Variants in RBFOX2 observed in about 807,000 individuals in gnomAD.
RBFOX2 encodes the protein RNA binding protein fox-1 homolog 2.
A neutral mutation model predicts 49.1 loss-of-function variants in RBFOX2; 10 were observed. The observed-to-expected ratio is 0.20, with a 90% CI of 0.13 to 0.35. The LOEUF is 0.35. Among genes scored for constraint, RBFOX2 ranks in the 10% least tolerant of loss-of-function variants. The probability of loss-of-function intolerance (pLI) is 1.00; values close to 1 mark genes in which losing one functional copy is unlikely to be tolerated. For synonymous variants in RBFOX2, 183 were observed against 187.4 expected (o/e 0.98, Z 0.19); for missense variants, 323 against 486.9 (o/e 0.66, Z 3.17).
intron 1 of RBFOX2, among the ~76,000 whole-genome samples, chr22:36,012,814 G>C (rs995519150): frequency 5.9e-5 from 9 of 151,872 alleles, no homozygotes; most frequent in South Asian, 2.1e-4. Flanking sequence ...ACCCGGGCTG[G>C]AGTGCAGTGG....
At chr22:36,028,120 C>T (rs2059520136) in intron 1 of RBFOX2, 120 bp downstream of exon 1, 1 of 1,303,156 alleles carries the variant, frequency 7.7e-7, no homozygotes, top group Non-Finnish European at 9.8e-7. Flanking sequence ...CCGAATGGCC[C>T]CCCATCCCAC....
At chr22:35,898,343 G>A in intron 1 of RBFOX2, 2 of 638,172 alleles carry the variant, frequency 3.1e-6, no homozygotes, top group Non-Finnish European at 3.0e-6. Flanking sequence ...GGCTATTGCA[G>A]TAATGGCAGA....
chr22:35,902,094 A>C (rs1332832958), intron 1 of RBFOX2, among the ~76,000 whole-genome samples: 1 of 152,032 alleles, frequency 6.6e-6, no homozygotes, highest in African/African-American at 2.4e-5. Context: ...AAAAAAGAGA[A>C]GAAAAGCTGC....
intron 1 of RBFOX2, among the ~76,000 whole-genome samples, chr22:35,819,912 T>A (rs1344292008): frequency 6.6e-6 from 1 of 152,114 alleles, no homozygotes. Context: ...TTTTAGAAAC[T>A]AAGGCAACAA....
At chr22:35,999,012 T>A (rs1263424312) in intron 1 of RBFOX2, 1 of 152,410 alleles carries the variant, frequency 6.6e-6, no homozygotes, top group Non-Finnish European at 1.5e-5. Context: ...AGTCTAGGCG[T>A]CTGTTTTCAA....
chr22:35,805,313 A>AG (rs1328382945), intron 2 of RBFOX2, among the ~76,000 whole-genome samples: 13 of 150,114 alleles, frequency 8.7e-5, no homozygotes, highest in African/African-American at 3.2e-4. Context: ...AAAAAAAAAA[A>AG]GTAAGACAAA....
intron 1 of RBFOX2, among the ~76,000 whole-genome samples, chr22:36,022,381 A>C (rs951935996): frequency 3.3e-5 from 5 of 152,242 alleles, no homozygotes; most frequent in Non-Finnish European, 7.3e-5. Context: ...ATAGTGAAAA[A>C]AAAATGACAG....
Position 35,867,887 on chromosome 22 carries a change from T to A in RBFOX2, c.-33-57883A>T, listed in dbSNP as rs554501357. Among the ~76,000 whole-genome samples the A allele has an allele frequency of 7.9e-5, 12 of 152,262 alleles. No individual in the cohort carries two copies. The South Asian group carries it at 2.5e-3, about 32-fold the overall frequency. On this transcript the variant is annotated intron_variant, in intron 1 of 13. Coordinates refer to the RBFOX2 transcript ENST00000359369. ...TAGATATGATTAATTGCCAACGTAATATCCAACACAGCATATCACACCACT... is the reference window on the plus strand; with the variant it reads ...TAGATATGATTAATTGCCAACGTAAAATCCAACACAGCATATCACACCACT...
chr22:35,743,944 T>A (rs981517567), exon 12 of RBFOX2: 6 of 370,838 alleles, frequency 1.6e-5, no homozygotes, highest in African/African-American at 1.1e-4. Flanking sequence ...TTTTTTTTTT[T>A]ACCACAGTTT....
chr22:35,771,781 C>T (rs1942739506), intron 4 of RBFOX2, among the ~76,000 whole-genome samples: 2 of 152,106 alleles, frequency 1.3e-5, no homozygotes, highest in Non-Finnish European at 2.9e-5. Context: ...TTAGAATATA[C>T]TATTTCTTCA....
intron 1 of RBFOX2, among the ~76,000 whole-genome samples, chr22:35,948,306 C>A (rs1000389460): frequency 1.2e-4 from 18 of 152,238 alleles, no homozygotes; most frequent in Middle Eastern, 3.4e-3. Flanking sequence ...ACCCTCAGTT[C>A]TTTCAATTTT....
At chr22:35,782,000 G>A (rs558479183) in intron 2 of RBFOX2, among the ~76,000 whole-genome samples, 2 of 152,282 alleles carry the variant, frequency 1.3e-5, no homozygotes, top group South Asian at 2.1e-4. Flanking sequence ...GGGAGCTAAC[G>A]AACACGGAAG....
Position 35,820,973 on chromosome 22 carries a change from G to A in RBFOX2, c.28-10969C>T, listed in dbSNP as rs528123403. 5.7e-4 allele frequency among the ~76,000 whole-genome samples: 87 copies of A among 152,292 alleles called. No homozygotes were observed. In the South Asian group the frequency reaches 0.018, roughly 31 times the overall value. On this transcript the variant is annotated intron_variant, in intron 1 of 11. Coordinates refer to ENST00000405409, the Ensembl canonical transcript of RBFOX2. The stretch of plus-strand genomic sequence containing the variant: ...TGACAATCCAAAGGCAGACTTGGCA[G>A]AACCTGGCAACGGGTATGAAGGAGA...
At chr22:35,790,555 C>T (rs1947387646) in intron 2 of RBFOX2, among the ~76,000 whole-genome samples, 1 of 152,028 alleles carries the variant, frequency 6.6e-6, no homozygotes, top group African/African-American at 2.4e-5. Context: ...TAAAATAAGG[C>T]CTATATTTTA....
chr22:35,774,351 TATA>T (rs1943387170), intron 4 of RBFOX2, among the ~76,000 whole-genome samples: 1 of 152,128 alleles, frequency 6.6e-6, no homozygotes. Flanking sequence ...CATAAACTCA[TATA>T]ATAATTTTCT....
intron 6 of RBFOX2, among the ~76,000 whole-genome samples, chr22:35,762,109 G>GT (rs1028918938): frequency 4.6e-5 from 7 of 152,320 alleles, no homozygotes; most frequent in Non-Finnish European, 8.8e-5. Flanking sequence ...AGGCTTTAAT[G>GT]TGTAATAATC....
chr22:35,808,846 C>T (rs1264543143), intron 2 of RBFOX2, among the ~76,000 whole-genome samples: 2 of 151,980 alleles, frequency 1.3e-5, no homozygotes, highest in Admixed American at 1.3e-4. Context: ...AAGCAAGAGA[C>T]AATACAATTT....
exon 12 of RBFOX2, chr22:35,741,247 C>A (rs1929800882): frequency 6.6e-6 from 1 of 152,186 alleles, no homozygotes; most frequent in African/African-American, 2.4e-5. Flanking sequence ...TTAAGGAGCC[C>A]AGCTTCCAAG....
intron 1 of RBFOX2, among the ~76,000 whole-genome samples, chr22:35,837,416 T>C (rs1298570918): frequency 6.6e-6 from 1 of 152,140 alleles, no homozygotes; most frequent in Non-Finnish European, 1.5e-5. Context: ...TAACCACCAG[T>C]ATAGACATTC....
Sources: allele counts gnomAD v4.1 joint callset (sites outside exome capture counted in the v4.1 genomes callset), GRCh38; gene constraint gnomAD v4.1.1; transcripts MANE v1.5; gene names NCBI Gene and HGNC (gene_info 2026-07-23, HGNC 2026-07-21).